KHDRBS2: variants seen among roughly 807,000 people sequenced by gnomAD.
KHDRBS2 encodes the protein KH domain-containing, RNA-binding, signal transduction-associated protein 2.
A neutral mutation model predicts 44.3 loss-of-function variants in KHDRBS2; 26 were observed. The observed-to-expected ratio is 0.59, with a 90% CI of 0.43 to 0.81. The LOEUF (loss-of-function observed/expected upper bound fraction) is 0.81. Among genes scored for constraint, KHDRBS2 ranks in the 40% least tolerant of loss-of-function variants. KHDRBS2 has a pLI of 0.00. For synonymous variants in KHDRBS2, 194 were observed against 151.1 expected (o/e 1.28, Z -2.08); for missense variants, 476 against 433.1 (o/e 1.10, Z -0.88).
At chr6:61,873,127 G>A (rs1282411517) in intron 6 of KHDRBS2, among the ~76,000 whole-genome samples, 1 of 151,840 alleles carries the variant, frequency 6.6e-6, no homozygotes, top group Admixed American at 6.6e-5. Flanking sequence ...TCTTACATAA[G>A]ACATAAAAAT....
intron 2 of KHDRBS2, among the ~76,000 whole-genome samples, chr6:62,157,146 G>T (rs1816619295): frequency 6.6e-6 from 1 of 151,544 alleles, no homozygotes; most frequent in African/African-American, 2.4e-5. Flanking sequence ...ACGAGGTCAA[G>T]TGATCGAGAC....
At chr6:61,559,684 GC>G in the KHDRBS2 span, among the ~76,000 whole-genome samples, 1 of 152,082 alleles carries the variant, frequency 6.6e-6, no homozygotes, top group African/African-American at 2.4e-5. Flanking sequence ...AAAGAAACAA[GC>G]AAATAGACAA....
At chr6:62,211,830 C>T (rs1406706141) in intron 1 of KHDRBS2, among the ~76,000 whole-genome samples, 1 of 152,124 alleles carries the variant, frequency 6.6e-6, no homozygotes, top group African/African-American at 2.4e-5. Context: ...GAATATAAAT[C>T]ATTCTATTAT....
chr6:62,175,710 T>C (rs1820954177), intron 2 of KHDRBS2, among the ~76,000 whole-genome samples: 3 of 151,600 alleles, frequency 2.0e-5, no homozygotes, highest in African/African-American at 7.2e-5. Flanking sequence ...AGCATTTTCT[T>C]ATACATTACA....
chr6:62,177,073 C>CT (rs1357600995), intron 2 of KHDRBS2, 112 bp downstream of exon 2: 3 of 656,322 alleles, frequency 4.6e-6, no homozygotes, highest in Non-Finnish European at 7.1e-6. Flanking sequence ...CTTGCATACA[C>CT]TTACATTATG....
chr6:61,570,263 A>C, the KHDRBS2 span, among the ~76,000 whole-genome samples: 1 of 152,172 alleles, frequency 6.6e-6, no homozygotes, highest in East Asian at 1.9e-4. Flanking sequence ...ACATTCAGTG[A>C]AATACAAATT....
intron 6 of KHDRBS2, among the ~76,000 whole-genome samples, chr6:61,771,878 A>T (rs1372912320): frequency 3.9e-5 from 6 of 152,180 alleles, no homozygotes; most frequent in Admixed American, 3.9e-4. Flanking sequence ...AATCAACAGA[A>T]TATACATTCT....
the KHDRBS2 span, among the ~76,000 whole-genome samples, chr6:61,655,536 T>A: frequency 2.6e-5 from 4 of 152,148 alleles, no homozygotes; most frequent in Non-Finnish European, 5.9e-5. Context: ...ATTACAGGCA[T>A]GAGCCAATGT....
chr6:61,762,025 T>C (rs534075579), intron 6 of KHDRBS2, among the ~76,000 whole-genome samples: 1 of 152,324 alleles, frequency 6.6e-6, no homozygotes, highest in African/African-American at 2.4e-5. Context: ...GTGTTTTTCA[T>C]TGCAAATGAG....
chr6:61,968,696 A>C (rs1770660466), intron 4 of KHDRBS2, among the ~76,000 whole-genome samples: 2 of 152,046 alleles, frequency 1.3e-5, no homozygotes, highest in South Asian at 2.1e-4. Context: ...TTACTTATTT[A>C]GTGCCCTTCA....
chr6:61,663,526 T>TATATATTAGCATAAG, the KHDRBS2 span, among the ~76,000 whole-genome samples: 1 of 116,898 alleles, frequency 8.6e-6, no homozygotes, highest in Non-Finnish European at 1.8e-5. Flanking sequence ...TATATATATA[T>TATATATTAGCATAAG]GCAGCTGGGA....
chr6:61,668,760 TG>T, the KHDRBS2 span, among the ~76,000 whole-genome samples: 1 of 151,082 alleles, frequency 6.6e-6, no homozygotes. Flanking sequence ...TCTTTTTCCT[TG>T]TTTTTATATT....
rs148343775 is a variant in KHDRBS2 at position 61,850,125 on chromosome 6, A to C, written c.810+44510T>G. On this transcript the variant is annotated intron_variant, in intron 6 of 8. Coordinates refer to ENST00000281156, the MANE Select transcript of KHDRBS2 (RefSeq NM_152688.4). The stretch of plus-strand genomic sequence containing the variant: ...CCTCCATCTTTGGATTACCTTTCAG[A>C]GCTTCAATCTCCTACAAGGTAGAAT... 4.6e-3 allele frequency among the ~76,000 whole-genome samples: 706 copies of C among 152,172 alleles called. 11 individuals are homozygous for C. Among genetic ancestry groups the C allele is most frequent in the African/African-American group, 0.016 (665 of 41,534 alleles).
At chr6:61,570,470 A>G in the KHDRBS2 span, among the ~76,000 whole-genome samples, 1 of 152,058 alleles carries the variant, frequency 6.6e-6, no homozygotes, top group Non-Finnish European at 1.5e-5. Flanking sequence ...AAGAAGAGAA[A>G]TCTTAAAGTT....
At chr6:61,958,915 T>G (rs1343258761) in intron 4 of KHDRBS2, among the ~76,000 whole-genome samples, 4 of 152,146 alleles carry the variant, frequency 2.6e-5, no homozygotes, top group African/African-American at 9.6e-5. Flanking sequence ...TCCAAATCTC[T>G]GTTGCTTAGT....
At chr6:62,093,856 TTGTGTGTGTGTGTGTGTGTG>T (rs61194705) in intron 2 of KHDRBS2, among the ~76,000 whole-genome samples, 1 of 143,214 alleles carries the variant, frequency 7.0e-6, no homozygotes, top group African/African-American at 2.6e-5. Context: ...TTCCATTGTT[TTGTGTGTGTGTGTGTGTGTG>T]TGTGTGTGTG....
chr6:61,545,308 A>G, the KHDRBS2 span, among the ~76,000 whole-genome samples: 95 of 152,076 alleles, frequency 6.2e-4, no homozygotes, highest in African/African-American at 2.2e-3. Flanking sequence ...AAAAGAAGTG[A>G]TAGGCACTAG....
the KHDRBS2 span, among the ~76,000 whole-genome samples, chr6:61,555,651 C>T: frequency 1.3e-5 from 2 of 152,212 alleles, no homozygotes; most frequent in African/African-American, 2.4e-5. Context: ...GCTCCTTCAA[C>T]TCTCGAAGTT....
At chr6:62,041,888 T>A (rs1300133087) in intron 3 of KHDRBS2, among the ~76,000 whole-genome samples, 1 of 152,056 alleles carries the variant, frequency 6.6e-6, no homozygotes, top group Non-Finnish European at 1.5e-5. Flanking sequence ...ATGGCTTTTT[T>A]TTCTTTCTAA....
Sources: gnomAD v4.1 joint callset for allele counts (sites outside exome capture counted in the v4.1 genomes callset) on GRCh38, gnomAD v4.1.1 for gene constraint, MANE v1.5 for transcripts, NCBI Gene and HGNC (gene_info 2026-07-23, HGNC 2026-07-21) for gene names.